The following PTPRN2 variants were observed in gnomAD, a reference collection of about 807,000 sequenced individuals.
PTPRN2 encodes receptor-type tyrosine-protein phosphatase N2.
In PTPRN2, 74 loss-of-function variants were observed where a neutral mutation model predicts 118.8. That is an observed-to-expected ratio of 0.62 (90% CI 0.52 to 0.76). The LOEUF (loss-of-function observed/expected upper bound fraction) is 0.76, where lower values mean the gene tolerates loss of function less well. PTPRN2 is among the 30% of genes least tolerant of loss of function. PTPRN2 has a pLI of 0.00. For synonymous variants in PTPRN2, 641 were observed against 608.0 expected (o/e 1.05, Z -0.80); for missense variants, 1,481 against 1,394.4 (o/e 1.06, Z -0.99).
intron 3 of PTPRN2, among the ~76,000 whole-genome samples, chr7:158,239,754 C>T (rs1795797544): frequency 6.6e-6 from 1 of 152,224 alleles, no homozygotes; most frequent in African/African-American, 2.4e-5. Context: ...CATCTGGATG[C>T]ACGCCAAGAC....
In PTPRN2 at chr7:158,563,022, G is replaced by C. The variant is rs1011155629; in HGVS notation, c.112+24536C>G. On this transcript the variant is annotated intron_variant, in intron 1 of 22. Transcript: ENST00000389418. The surrounding 1 kb of genome is among the most constrained non-coding windows in gnomAD (Gnocchi z 5.1). ...CCTGGCCCAGGAAAACCTACATTGA[G>C]GGGGCAGGGTGTGGTCCTCCTGGTT... 1.3e-5 allele frequency among the ~76,000 whole-genome samples: 2 copies of C among 152,216 alleles called. No homozygotes were observed. Among genetic ancestry groups the C allele is most frequent in the African/African-American group, 4.8e-5 (2 of 41,448 alleles).
chr7:158,432,014 T>G (rs1447277821), intron 2 of PTPRN2, among the ~76,000 whole-genome samples: 2 of 152,040 alleles, frequency 1.3e-5, no homozygotes, highest in Non-Finnish European at 2.9e-5. Context: ...ATCCTCAGAG[T>G]CCAATCCACT....
chr7:157,781,403 G>A (rs111801679), intron 12 of PTPRN2, among the ~76,000 whole-genome samples: 2,563 of 135,644 alleles, frequency 0.019, 72 homozygotes, highest in South Asian at 0.12. Context: ...TACAACATGC[G>A]TGCCCTTCTT....
chr7:157,624,263 A>G (rs996857675), intron 14 of PTPRN2, among the ~76,000 whole-genome samples: 1 of 152,166 alleles, frequency 6.6e-6, no homozygotes, highest in Admixed American at 6.5e-5. Flanking sequence ...TCTACTAAAA[A>G]TACAAAAATT....
At chr7:158,044,616 C>T (rs1808708614) in intron 11 of PTPRN2, among the ~76,000 whole-genome samples, 1 of 152,070 alleles carries the variant, frequency 6.6e-6, no homozygotes, top group African/African-American at 2.4e-5. Flanking sequence ...CAACCAAACT[C>T]ACCAGCAGAG....
At chr7:158,070,289 CGTG>C (rs1324251555) in intron 11 of PTPRN2, among the ~76,000 whole-genome samples, 4 of 142,462 alleles carry the variant, frequency 2.8e-5, no homozygotes, top group East Asian at 2.0e-4. Context: ...TGGAGGTGCT[CGTG>C]GTGGTGGAGG....
chr7:157,980,974 G>A (rs1803095242), intron 11 of PTPRN2, among the ~76,000 whole-genome samples: 1 of 151,702 alleles, frequency 6.6e-6, no homozygotes, highest in South Asian at 2.1e-4. Flanking sequence ...CCTCCCACAC[G>A]GGCTCTGGGG....
chr7:158,543,442 G>T (rs1298883829), intron 1 of PTPRN2, among the ~76,000 whole-genome samples: 1 of 152,200 alleles, frequency 6.6e-6, no homozygotes, highest in African/African-American at 2.4e-5. Context: ...TGCCACACAC[G>T]TAGCTCAATT....
At chr7:157,922,414 C>A (rs1798737905) in intron 11 of PTPRN2, among the ~76,000 whole-genome samples, 1 of 152,116 alleles carries the variant, frequency 6.6e-6, no homozygotes, top group Non-Finnish European at 1.5e-5. Flanking sequence ...GTCCTGCAGT[C>A]CTACAGTGGG....
chr7:157,918,053 A>G (rs1798508330), intron 11 of PTPRN2, among the ~76,000 whole-genome samples: 1 of 152,144 alleles, frequency 6.6e-6, no homozygotes, highest in African/African-American at 2.4e-5. Context: ...CCTACCCCTA[A>G]AAGATTCTTC....
chr7:158,300,201 C>T (rs747237877), intron 3 of PTPRN2, among the ~76,000 whole-genome samples: 7 of 152,054 alleles, frequency 4.6e-5, no homozygotes, highest in East Asian at 3.9e-4. Flanking sequence ...GAAACAAATG[C>T]GGAAATGATT....
At chr7:157,648,687 T>C (rs1805335289) in intron 14 of PTPRN2, among the ~76,000 whole-genome samples, 1 of 145,118 alleles carries the variant, frequency 6.9e-6, no homozygotes, top group Non-Finnish European at 1.5e-5. Context: ...CACTGTGCAC[T>C]GAACTCGGTG....
chr7:158,266,009 C>G (rs968648743), intron 3 of PTPRN2, among the ~76,000 whole-genome samples: 2 of 136,328 alleles, frequency 1.5e-5, no homozygotes, highest in African/African-American at 5.5e-5. Flanking sequence ...TCTGGAGGAC[C>G]AGTGGGGACA....
rs1261877879 is a variant in PTPRN2, at chr7:157,879,049, C to A, written c.1788+19624G>T. On this transcript the variant is annotated intron_variant, in intron 12 of 22. Coordinates refer to ENST00000389418, the MANE Select transcript of PTPRN2 (RefSeq NM_002847.5). ...GTGATACCGTGCACCCACAATTACTCACCGAGGAGCTCTCTCAGATTCCAT... is the reference window on the plus strand; with the variant it reads ...GTGATACCGTGCACCCACAATTACTAACCGAGGAGCTCTCTCAGATTCCAT... Among the ~76,000 whole-genome samples, 5 of 147,976 alleles carry A rather than the reference C, an allele frequency of 3.4e-5. No homozygotes were observed. In the East Asian group the frequency reaches 8.0e-4, roughly 24 times the overall value.
intron 14 of PTPRN2, among the ~76,000 whole-genome samples, chr7:157,643,357 T>C (rs1240536739): frequency 1.3e-5 from 2 of 152,184 alleles, no homozygotes; most frequent in African/African-American, 4.8e-5. Flanking sequence ...AATCAGATTT[T>C]TAAAAAATAA....
At chr7:158,363,146 C>G (rs577867120) in intron 2 of PTPRN2, among the ~76,000 whole-genome samples, 1 of 152,202 alleles carries the variant, frequency 6.6e-6, no homozygotes, top group Non-Finnish European at 1.5e-5. Flanking sequence ...CCATGGACAG[C>G]AGCTCGCCAG....
rs1026112433 is a variant in PTPRN2, at chr7:157,609,815, C to T, written c.2345-5740G>A. Among the ~76,000 whole-genome samples, 2 of 152,196 alleles carry T rather than the reference C, an allele frequency of 1.3e-5. No individual in the cohort carries two copies. The highest frequency in any genetic ancestry group is 2.9e-5 in the Non-Finnish European group (2 of 68,028). On this transcript the variant is annotated intron_variant, in intron 15 of 22. Transcript: ENST00000389418. This position sits in a 1 kb window ranked among gnomAD's most constrained non-coding sequence, Gnocchi z 4.9. ...CTGGCAAAGCGTGTTCTTGCTGCCC[C>T]GTGGTGGCAGAACATATGGAGCGAT... is the stretch of plus-strand genomic sequence containing the variant.
chr7:157,895,100 G>C (rs1177533780), intron 12 of PTPRN2, among the ~76,000 whole-genome samples: 1 of 151,996 alleles, frequency 6.6e-6, no homozygotes, highest in Admixed American at 6.6e-5. Context: ...GCTGTAGAAA[G>C]CGAAGACTAG....
chr7:158,192,422 G>A lies in PTPRN2; in HGVS notation c.454C>T (p.Arg152Ter), dbSNP rs532802114. ...EGGAALANAL[R>*]RHLPFLEALS... ...GCCTCCAGGAAGGGCAGGTGGCGTC[G>A]GAGGGCGTTGGCCAGGGCAGCACCG... Residue 152 changes from arginine to a stop codon, truncating the protein, a stop_gained, in exon 5 of 23, where the codon CGA (arginine) becomes TGA (stop). Coordinates refer to ENST00000389418, the MANE Select transcript of PTPRN2 (RefSeq NM_002847.5). LOFTEE classifies it high-confidence loss of function. The A allele has an allele frequency of 9.7e-6, 15 of 1,544,282 alleles. No homozygotes were observed. Among genetic ancestry groups the A allele is most frequent in the South Asian group, 2.5e-5 (2 of 79,282 alleles).
Sources: allele counts gnomAD v4.1 joint callset (sites outside exome capture counted in the v4.1 genomes callset), GRCh38; gene constraint gnomAD v4.1.1; non-coding constraint Gnocchi (gnomAD v3.1); transcripts MANE v1.5; gene names NCBI Gene and HGNC (gene_info 2026-07-23, HGNC 2026-07-21).